Variants in MSR1 observed in about 807,000 individuals in gnomAD.
The protein encoded by MSR1 is macrophage scavenger receptor types I and II.
Under a neutral mutation model 47.2 loss-of-function variants are expected in MSR1, and 53 were observed. That is an observed-to-expected ratio of 1.12 (90% CI 0.90 to 1.41). MSR1 has a LOEUF of 1.41. Ranked by LOEUF, MSR1 falls within the 40% of genes most tolerant of loss-of-function variation. The pLI is 0.00. For missense variants in MSR1, 786 were observed against 546.9 expected (o/e 1.44, Z -4.36); for synonymous variants, 239 against 185.6 (o/e 1.29, Z -2.34).
chr8:16,120,426 A>C lies in MSR1; in HGVS notation c.1214T>G (p.Phe405Cys), dbSNP rs748918364. The C allele has an allele frequency of 6.2e-6, 10 of 1,613,798 alleles. No homozygotes were observed. The highest frequency in any genetic ancestry group is 7.6e-6 in the Non-Finnish European group (9 of 1,179,878). The change falls in exon 9 of 10, where the codon TTT becomes TGT. Residue 405 changes from phenylalanine (F) to cysteine (C), a missense_variant. Phe to Cys is a radical substitution (Grantham distance 205). Transcript: ENST00000262101. Reference sequence around the variant, plus strand: ...GATTTTCTTTAAATTACCTTGTCCAAAGTGAGCTGCCTTGTGCACGGCTTG... The same window carrying C: ...GATTTTCTTTAAATTACCTTGTCCACAGTGAGCTGCCTTGTGCACGGCTTG... ...GVQAVHKAAH[F>C]GQGTGPIWLN...
In MSR1 at chr8:16,155,158, A is replaced by G; in HGVS notation, c.818-14T>C. The G allele has an allele frequency of 2.5e-6, 4 of 1,596,276 alleles. No individual in the cohort carries two copies. The highest frequency in any genetic ancestry group is 2.6e-6 in the Non-Finnish European group (3 of 1,165,178). Reference sequence around the variant, plus strand: ...GTCCAGGAGGACCTTTAAAAAAATTACAGTTACTGATCATAGTTGTAAAGC... The same window carrying G: ...GTCCAGGAGGACCTTTAAAAAAATTGCAGTTACTGATCATAGTTGTAAAGC... On this transcript the variant is annotated splice_polypyrimidine_tract_variant and intron_variant, in intron 5 of 9. Coordinates refer to ENST00000262101, the MANE Select transcript of MSR1 (RefSeq NM_138715.3).
At chr8:16,187,848 C>T (rs1036497973) in intron 1 of MSR1, among the ~76,000 whole-genome samples, 7 of 152,126 alleles carry the variant, frequency 4.6e-5, no homozygotes, top group Non-Finnish European at 8.8e-5. Context: ...CCTCAGTGAA[C>T]CCACTTTGCT....
chr8:16,146,504 T>C (rs1435483234), intron 7 of MSR1, among the ~76,000 whole-genome samples: 1 of 152,104 alleles, frequency 6.6e-6, no homozygotes, highest in Admixed American at 6.6e-5. Flanking sequence ...CTTCTCCGCA[T>C]ACCCTAATCT....
chr8:16,168,364 G>C, intron 4 of MSR1, 94 bp downstream of exon 4: 1 of 1,266,398 alleles, frequency 7.9e-7, no homozygotes. Context: ...GATGAAACAG[G>C]GTTTGCAACT....
chr8:16,143,521 A>T, intron 8 of MSR1, 37 bp downstream of exon 8: 1 of 1,579,734 alleles, frequency 6.3e-7, no homozygotes, highest in Non-Finnish European at 8.7e-7. Flanking sequence ...TACTTATTAC[A>T]AGAATTCACA....
chr8:16,144,767 C>T (rs1396532599), intron 7 of MSR1, among the ~76,000 whole-genome samples: 1 of 152,014 alleles, frequency 6.6e-6, no homozygotes, highest in African/African-American at 2.4e-5. Context: ...CTTCTTATTC[C>T]TATTCTTCAC....
At chr8:16,143,175 TA>T (rs1800605773) in intron 8 of MSR1, among the ~76,000 whole-genome samples, 1 of 152,160 alleles carries the variant, frequency 6.6e-6, no homozygotes, top group Non-Finnish European at 1.5e-5. Context: ...TCAGGGTTCT[TA>T]AACTGTCCAA....
chr8:16,179,327 A>G (rs1222206632), intron 1 of MSR1, among the ~76,000 whole-genome samples: 1 of 152,168 alleles, frequency 6.6e-6, no homozygotes, highest in Non-Finnish European at 1.5e-5. Context: ...TTTGGGAACT[A>G]TGCCTGCCTT....
At chr8:16,141,160 T>A in intron 8 of MSR1, 3 of 1,156,122 alleles carry the variant, frequency 2.6e-6, no homozygotes, top group African/African-American at 1.5e-5. Flanking sequence ...ATACCACCAT[T>A]AACTACAGAT....
chr8:16,188,000 T>C (rs986413311), intron 1 of MSR1, among the ~76,000 whole-genome samples: 6 of 152,180 alleles, frequency 3.9e-5, no homozygotes, highest in Non-Finnish European at 8.8e-5. Flanking sequence ...ACTGTTCAAG[T>C]GTGCCTTTTA....
In MSR1 at chr8:16,157,612, C is replaced by T. The variant is rs558483567; in HGVS notation, c.818-2468G>A. 3.9e-5 allele frequency among the ~76,000 whole-genome samples: 6 copies of T among 151,994 alleles called. No individual in the cohort carries two copies. The East Asian group carries it at 7.7e-4, about 20-fold the overall frequency. On this transcript the variant is annotated intron_variant, in intron 5 of 9. Coordinates refer to ENST00000262101, the MANE Select transcript of MSR1 (RefSeq NM_138715.3). ...TTCTAACAAAATGTTGGAAGGATCT[C>T]AATAAATGTTTTAAGTGTCTTTTAG... is the stretch of plus-strand genomic sequence containing the variant.
At chr8:16,159,044 A>G (rs959319988) in intron 5 of MSR1, among the ~76,000 whole-genome samples, 4 of 144,842 alleles carry the variant, frequency 2.8e-5, no homozygotes, top group Non-Finnish European at 6.0e-5. Context: ...TGCTGGAATT[A>G]TATTGTCTCA....
chr8:16,163,188 C>A (rs908244747), intron 5 of MSR1, among the ~76,000 whole-genome samples: 15 of 151,780 alleles, frequency 9.9e-5, no homozygotes, highest in Non-Finnish European at 1.9e-4. Context: ...AAATCTTAAT[C>A]AATCCAAAAG....
Position 16,164,049 on chromosome 8 carries a change from T to C in MSR1, c.817+16A>G, listed in dbSNP as rs775623622. The C allele has an allele frequency of 6.3e-7, 1 of 1,589,986 alleles. No individual in the cohort carries two copies. Among genetic ancestry groups the C allele is most frequent in the Non-Finnish European group, 8.6e-7 (1 of 1,162,390 alleles). Reference sequence around the variant, plus strand: ...ATATATATATCATTTTCTGGAGAAATGACAAGACATTTTACCTTGAATTAA... The same window carrying C: ...ATATATATATCATTTTCTGGAGAAACGACAAGACATTTTACCTTGAATTAA... On this transcript the variant is annotated intron_variant, in intron 5 of 9. Transcript: ENST00000262101.
chr8:16,166,460 A>T (rs34859581), intron 4 of MSR1, among the ~76,000 whole-genome samples: 6,977 of 151,820 alleles, frequency 0.046, 488 homozygotes, highest in African/African-American at 0.14. Context: ...TGCGCCTGGC[A>T]GCTGAGGCTG....
At chr8:16,181,447 C>T (rs1225224804) in intron 1 of MSR1, among the ~76,000 whole-genome samples, 1 of 152,146 alleles carries the variant, frequency 6.6e-6, no homozygotes, top group African/African-American at 2.4e-5. Context: ...GGCACATATA[C>T]ACCATGGAAT....
intron 3 of MSR1, among the ~76,000 whole-genome samples, chr8:16,169,312 G>A (rs766300135): frequency 2.0e-5 from 3 of 152,172 alleles, no homozygotes; most frequent in Admixed American, 2.0e-4. Flanking sequence ...GATGACAAAA[G>A]CAATAAGTGG....
chr8:16,112,653 A>C (rs1016428977), intron 9 of MSR1, among the ~76,000 whole-genome samples: 1 of 152,062 alleles, frequency 6.6e-6, no homozygotes, highest in African/African-American at 2.4e-5. Context: ...ATGAGATAAA[A>C]AACAAATTTG....
At chr8:16,191,671 G>T (rs931719493) in intron 1 of MSR1, among the ~76,000 whole-genome samples, 10 of 152,122 alleles carry the variant, frequency 6.6e-5, no homozygotes, top group African/African-American at 2.4e-4. Context: ...GCTGGAATTT[G>T]AACACAGGCA....
Sources: gnomAD v4.1 joint callset for allele counts (sites outside exome capture counted in the v4.1 genomes callset) on GRCh38, gnomAD v4.1.1 for gene constraint, MANE v1.5 for transcripts, NCBI Gene and HGNC (gene_info 2026-07-23, HGNC 2026-07-21) for gene names.